The following GRM8 variants were observed in gnomAD, a reference collection of about 807,000 sequenced individuals.
GRM8 encodes metabotropic glutamate receptor 8.
In GRM8, 47 loss-of-function variants were observed where a neutral mutation model predicts 87.2. That is an observed-to-expected ratio of 0.54 (90% CI 0.43 to 0.69). GRM8 has a LOEUF of 0.69. Ranked by LOEUF, GRM8 falls within the 30% of genes least tolerant of loss-of-function variation. The probability of loss-of-function intolerance (pLI) is 0.00; values close to 1 mark genes in which losing one functional copy is unlikely to be tolerated. For synonymous variants in GRM8, 396 were observed against 404.5 expected, an observed-to-expected ratio of 0.98 and a Z score of 0.25; for missense variants, 1,019 against 1,139.2, an observed-to-expected ratio of 0.89 and a Z score of 1.52.
At chr7:126,817,655 A>T (rs917773016) in intron 6 of GRM8, among the ~76,000 whole-genome samples, 2 of 152,048 alleles carry the variant, frequency 1.3e-5, no homozygotes, top group Non-Finnish European at 2.9e-5. Context: ...CTCTAAACAC[A>T]TCCTAACCAC....
intron 2 of GRM8, among the ~76,000 whole-genome samples, chr7:127,240,424 C>CAAAAAAA (rs11305864): frequency 7.1e-6 from 1 of 141,342 alleles, no homozygotes; most frequent in Admixed American, 7.0e-5. Flanking sequence ...GATTCTATGG[C>CAAAAAAA]AAAAAAAAAA....
At chr7:126,860,318 T>C (rs1034557317) in intron 6 of GRM8, among the ~76,000 whole-genome samples, 1 of 152,188 alleles carries the variant, frequency 6.6e-6, no homozygotes, top group Admixed American at 6.6e-5. Flanking sequence ...CAAGCCACAT[T>C]GGCTTCCTTC....
chr7:127,106,636 A>G lies in GRM8; in HGVS notation c.587T>C (p.Val196Ala). 2.5e-6 allele frequency: 4 copies of G among 1,614,036 alleles called. No individual in the cohort carries two copies. Among genetic ancestry groups the G allele is most frequent in the Non-Finnish European group, 3.4e-6 (4 of 1,179,932 alleles). The change falls in exon 3 of 11, where the codon GTT becomes GCT. Residue 196 changes from valine to alanine, a missense_variant. By Grantham distance (64) the Val-to-Ala change is moderately conservative (BLOSUM62 0). Coordinates refer to ENST00000339582, the MANE Select transcript of GRM8 (RefSeq NM_000845.3). ...NTRYDFFSRV[V>A]PPDSYQAQAM... is the part of the protein sequence containing the mutation. Reference sequence around the variant, plus strand: ...TTGGGCTTGGTAGGAGTCAGGCGGAACCACTCGAGAGAAAAAGTCATACCT... The same window carrying G: ...TTGGGCTTGGTAGGAGTCAGGCGGAGCCACTCGAGAGAAAAAGTCATACCT...
At chr7:127,026,254 G>A (rs1407721915) in intron 3 of GRM8, among the ~76,000 whole-genome samples, 1 of 152,112 alleles carries the variant, frequency 6.6e-6, no homozygotes, top group Non-Finnish European at 1.5e-5. Context: ...ATCATTGTTG[G>A]ACATTTGGGT....
intron 3 of GRM8, among the ~76,000 whole-genome samples, chr7:126,997,898 G>A (rs1266975678): frequency 6.6e-6 from 1 of 151,672 alleles, no homozygotes; most frequent in Non-Finnish European, 1.5e-5. Context: ...TTTCAAAAAT[G>A]GAGGAATAAA....
chr7:126,632,004 T>C (rs1801326582), intron 7 of GRM8, among the ~76,000 whole-genome samples: 1 of 152,134 alleles, frequency 6.6e-6, no homozygotes, highest in South Asian at 2.1e-4. Flanking sequence ...TCAAAAGCAA[T>C]TGCAACAAAA....
At chr7:126,930,983 A>C (rs553281281) in intron 3 of GRM8, among the ~76,000 whole-genome samples, 1 of 152,260 alleles carries the variant, frequency 6.6e-6, no homozygotes, top group African/African-American at 2.4e-5. Flanking sequence ...CTTGGTGCAG[A>C]TGGAGAGATA....
rs1289159399 is a variant in GRM8 at position 127,015,079 on chromosome 7, GAGA to G, written c.727+91414_727+91416del. Reference sequence around the variant, plus strand: ...AGAAGAAGAAGAAGAAAGAAAGAAGGAGAAGAAGGAGAAGAAGGAGAAGGAGAA... The same window carrying G: ...AGAAGAAGAAGAAGAAAGAAAGAAGGAGAAGGAGAAGAAGGAGAAGGAGAA... On this transcript the variant is annotated intron_variant, in intron 3 of 10. Coordinates refer to ENST00000339582, the MANE Select transcript of GRM8 (RefSeq NM_000845.3). Among the ~76,000 whole-genome samples, 19 of 85,738 alleles carry G rather than the reference GAGA, an allele frequency of 2.2e-4. 3 individuals carry two copies. The highest frequency in any genetic ancestry group is 2.8e-4 in the East Asian group (1 of 3,574). The allele number at this position is 85,738 out of a possible 152,430, so 56.2% of individuals were successfully genotyped here.
chr7:126,505,022 A>G (rs999523331), intron 9 of GRM8, among the ~76,000 whole-genome samples: 1 of 152,094 alleles, frequency 6.6e-6, no homozygotes, highest in Non-Finnish European at 1.5e-5. Flanking sequence ...CTTCAATTGC[A>G]CAGTTGGAGT....
chr7:126,545,222 C>T (rs1021483219), intron 8 of GRM8, among the ~76,000 whole-genome samples: 10 of 152,134 alleles, frequency 6.6e-5, no homozygotes, highest in African/African-American at 2.2e-4. Context: ...GGAAGTCAGA[C>T]CTGTAATATT....
At chr7:127,087,213 C>A (rs1823601558) in intron 3 of GRM8, among the ~76,000 whole-genome samples, 1 of 152,156 alleles carries the variant, frequency 6.6e-6, no homozygotes, top group African/African-American at 2.4e-5. Flanking sequence ...CTGCAGGGTT[C>A]CAGCTTAGAG....
chr7:127,127,766 A>G (rs1827450460), intron 2 of GRM8, among the ~76,000 whole-genome samples: 1 of 152,054 alleles, frequency 6.6e-6, no homozygotes, highest in African/African-American at 2.4e-5. Flanking sequence ...CTAGGTGCAT[A>G]TTATTATATG....
chr7:127,057,596 T>C (rs6467108), intron 3 of GRM8, among the ~76,000 whole-genome samples: 12,138 of 152,216 alleles, frequency 0.08, 526 homozygotes, highest in South Asian at 0.13. Context: ...CTTTTTAACA[T>C]ATCTCTATTA....
chr7:126,446,137 A>G lies in GRM8; in HGVS notation c.2666T>C (p.Leu889Pro), dbSNP rs1269525775. 1.9e-6 allele frequency: 3 copies of G among 1,612,820 alleles called. No homozygotes were observed. Among genetic ancestry groups the G allele is most frequent in the Admixed American group, 3.3e-5 (2 of 59,886 alleles). ...GEVKSELCES[L>P]ETNTSSTKTT... is the part of the protein sequence containing the mutation. ...TACAGATGACTTACTGTTGGTTTCA[A>G]GACTCTCACAGAGTTCACTTTTCAC... is the stretch of plus-strand genomic sequence containing the variant. Residue 889 changes from leucine (L) to proline (P), a missense_variant, in exon 10 of 11, where the codon CTT becomes CCT. Transcript: ENST00000339582.
intron 6 of GRM8, among the ~76,000 whole-genome samples, chr7:126,810,807 T>C (rs1793214731): frequency 6.6e-6 from 1 of 152,170 alleles, no homozygotes; most frequent in African/African-American, 2.4e-5. Context: ...ATATGATTTG[T>C]TGGCGGATGT....
intron 7 of GRM8, among the ~76,000 whole-genome samples, chr7:126,750,518 G>T (rs2157979): frequency 0.39 from 59,273 of 151,786 alleles, 12,777 homozygotes; most frequent in Non-Finnish European, 0.48. Context: ...TAATGGGCTG[G>T]AAAGAACCTT....
At chr7:126,483,962 T>A (rs1807053345) in intron 9 of GRM8, among the ~76,000 whole-genome samples, 1 of 152,014 alleles carries the variant, frequency 6.6e-6, no homozygotes, top group South Asian at 2.1e-4. Context: ...AAAACCCTTA[T>A]AACCAGACTT....
chr7:127,242,655 G>A, intron 2 of GRM8, 40 bp downstream of exon 2: 1 of 1,570,936 alleles, frequency 6.4e-7, no homozygotes, highest in Non-Finnish European at 8.7e-7. Flanking sequence ...GCATTTCATT[G>A]TTCTTTCACA....
chr7:127,173,672 A>G (rs1793942947), intron 2 of GRM8, among the ~76,000 whole-genome samples: 1 of 152,156 alleles, frequency 6.6e-6, no homozygotes, highest in African/African-American at 2.4e-5. Context: ...AAAGCCCTCC[A>G]ATCTTCCTGG....
Sources: gnomAD v4.1 joint callset for allele counts (sites outside exome capture counted in the v4.1 genomes callset) on GRCh38, gnomAD v4.1.1 for gene constraint, MANE v1.5 for transcripts, NCBI Gene and HGNC (gene_info 2026-07-23, HGNC 2026-07-21) for gene names.